TMEM117: variants seen among roughly 807,000 people sequenced by gnomAD.
TMEM117 encodes the protein transmembrane protein 117.
Under a neutral mutation model 52.4 loss-of-function variants are expected in TMEM117, and 27 were observed. The ratio of observed to expected loss-of-function variants is 0.51; its 90% CI spans 0.38 to 0.71. The LOEUF is 0.71. Ranked by LOEUF, TMEM117 falls within the 30% of genes least tolerant of loss-of-function variation. The probability of loss-of-function intolerance (pLI) is 0.00; values close to 1 mark genes in which losing one functional copy is unlikely to be tolerated. For missense variants in TMEM117, 556 were observed against 630.5 expected, an observed-to-expected ratio of 0.88 and a Z score of 1.26; for synonymous variants, 215 against 206.3, an observed-to-expected ratio of 1.04 and a Z score of -0.36.
At chr12:43,838,536 A>ATT (rs1565712907) in intron 1 of TMEM117, among the ~76,000 whole-genome samples, 1 of 134,296 alleles carries the variant, frequency 7.4e-6, no homozygotes, top group African/African-American at 3.0e-5. Flanking sequence ...GGAGTCTTCC[A>ATT]GTTTTTTTTT....
chr12:44,216,382 T>C (rs1366238024), intron 5 of TMEM117, among the ~76,000 whole-genome samples: 1 of 152,148 alleles, frequency 6.6e-6, no homozygotes, highest in Non-Finnish European at 1.5e-5. Context: ...ATTCCCTGAA[T>C]GACCAGGATA....
intron 3 of TMEM117, among the ~76,000 whole-genome samples, chr12:44,027,939 C>A (rs1227296360): frequency 6.6e-6 from 1 of 152,184 alleles, no homozygotes; most frequent in African/African-American, 2.4e-5. Flanking sequence ...GGTGCGGTGG[C>A]TCACGCCTGT....
chr12:44,067,580 G>T (rs542105681), intron 3 of TMEM117, among the ~76,000 whole-genome samples: 1 of 152,066 alleles, frequency 6.6e-6, no homozygotes, highest in Non-Finnish European at 1.5e-5. Context: ...ATATTATGGC[G>T]GTAATATTTT....
At chr12:43,806,683 C>A in the TMEM117 span, among the ~76,000 whole-genome samples, 7 of 152,132 alleles carry the variant, frequency 4.6e-5, no homozygotes, top group Non-Finnish European at 8.8e-5. Context: ...AAGATGTGCA[C>A]ATTATTTTTC....
intron 5 of TMEM117, among the ~76,000 whole-genome samples, chr12:44,297,511 A>G (rs1950783619): frequency 6.6e-6 from 1 of 152,160 alleles, no homozygotes; most frequent in African/African-American, 2.4e-5. Flanking sequence ...AGAAAGTGGG[A>G]TATAAGGAAA....
chr12:43,906,402 G>A (rs1250265361), intron 2 of TMEM117, among the ~76,000 whole-genome samples: 1 of 151,502 alleles, frequency 6.6e-6, no homozygotes, highest in Non-Finnish European at 1.5e-5. Flanking sequence ...GACAGAGGTT[G>A]CAGTGAGCTG....
At chr12:43,988,811 G>T (rs901066473) in intron 3 of TMEM117, among the ~76,000 whole-genome samples, 3 of 152,038 alleles carry the variant, frequency 2.0e-5, no homozygotes, top group African/African-American at 7.2e-5. Flanking sequence ...ATGATCGTTG[G>T]TATTTTGCAA....
chr12:43,877,890 AACACACACACACACACAC>A (rs369405497), intron 2 of TMEM117, among the ~76,000 whole-genome samples: 6 of 142,996 alleles, frequency 4.2e-5, no homozygotes, highest in African/African-American at 1.6e-4. Context: ...GTAAAAACAA[AACACACACACACACACAC>A]ACACACACAC....
At chr12:44,123,893 T>C (rs1025220495) in intron 3 of TMEM117, among the ~76,000 whole-genome samples, 3 of 152,254 alleles carry the variant, frequency 2.0e-5, no homozygotes, top group African/African-American at 7.2e-5. Context: ...TGATCTTTTT[T>C]GGTTTTATAT....
At position 44,320,970 on chromosome 12, in the gene TMEM117, C is replaced by T. The variant is rs1421170462; in HGVS notation, c.768+21231C>T. Among the ~76,000 whole-genome samples, 3 of 152,206 alleles carry T rather than the reference C, an allele frequency of 2.0e-5. No homozygotes were observed. The East Asian group carries it at 5.8e-4, about 29-fold the overall frequency. ...TCAGGTCATTGGGACTCAATATTCA[C>T]ATTTTAAAGAAAAGATTTTAGAGTA... On this transcript the variant is annotated intron_variant, in intron 6 of 7. Transcript: ENST00000266534.
chr12:44,180,350 AT>A (rs1949175647), intron 4 of TMEM117, among the ~76,000 whole-genome samples: 1 of 131,392 alleles, frequency 7.6e-6, no homozygotes, highest in Non-Finnish European at 1.5e-5. Context: ...ACTACCTGAC[AT>A]CTTTTTTTTT....
In TMEM117 at chr12:44,376,642, T is replaced by G. The variant is rs1439116314; in HGVS notation, c.816T>G (p.Pro272=). The change falls in exon 7 of 8, where the codon CCT becomes CCG. Residue 272 remains proline (P), a synonymous_variant. Coordinates refer to ENST00000266534, the MANE Select transcript of TMEM117 (RefSeq NM_032256.3). ...TGGGAGATGTTGATGTAAATCTCCC[T>G]GGTTTGCACACCCCTCACATGCAGT... is the stretch of plus-strand genomic sequence containing the variant. ...HFMGDVDVNL[P]GLHTPHMQFK... The G allele has an allele frequency of 6.2e-7, 1 of 1,611,454 alleles. No individual in the cohort carries two copies. The highest frequency in any genetic ancestry group is 8.5e-7 in the Non-Finnish European group (1 of 1,179,068).
chr12:44,183,111 A>G (rs1949228470), intron 4 of TMEM117, among the ~76,000 whole-genome samples: 1 of 152,204 alleles, frequency 6.6e-6, no homozygotes, highest in Admixed American at 6.5e-5. Flanking sequence ...TATAAAGAAA[A>G]AATTGCCAAT....
the TMEM117 span, among the ~76,000 whole-genome samples, chr12:43,813,242 T>G: frequency 3.7e-5 from 5 of 134,296 alleles, no homozygotes; most frequent in Admixed American, 1.5e-4. Context: ...TTTTTTTTTT[T>G]TTTTTTTTTT....
At chr12:43,949,499 A>C (rs917591205) in intron 3 of TMEM117, among the ~76,000 whole-genome samples, 9 of 152,162 alleles carry the variant, frequency 5.9e-5, no homozygotes, top group African/African-American at 2.2e-4. Flanking sequence ...TCCCAGAGGA[A>C]GGTCATATAC....
At chr12:44,104,468 G>A (rs926759568) in intron 3 of TMEM117, among the ~76,000 whole-genome samples, 1 of 151,912 alleles carries the variant, frequency 6.6e-6, no homozygotes, top group Admixed American at 6.6e-5. Context: ...CTCGCTTGGT[G>A]AGTTAGTAAA....
At chr12:44,124,246 T>G (rs1423227772) in intron 3 of TMEM117, among the ~76,000 whole-genome samples, 1 of 152,232 alleles carries the variant, frequency 6.6e-6, no homozygotes, top group African/African-American at 2.4e-5. Context: ...TTTTTCACAT[T>G]GATTTTGTAT....
chr12:44,326,181 G>GTTTTTGT (rs934802795), intron 6 of TMEM117, among the ~76,000 whole-genome samples: 6 of 151,090 alleles, frequency 4.0e-5, no homozygotes, highest in Non-Finnish European at 8.8e-5. Context: ...TTTTGTTTTT[G>GTTTTTGT]TTTTTGTTTT....
At chr12:44,305,693 C>T (rs879817649) in intron 6 of TMEM117, among the ~76,000 whole-genome samples, 6 of 152,144 alleles carry the variant, frequency 3.9e-5, no homozygotes, top group Non-Finnish European at 8.8e-5. Context: ...AAAGGGAATG[C>T]TTATGCCCTA....
Sources: allele counts gnomAD v4.1 joint callset (sites outside exome capture counted in the v4.1 genomes callset), GRCh38; gene constraint gnomAD v4.1.1; transcripts MANE v1.5; gene names NCBI Gene and HGNC (gene_info 2026-07-23, HGNC 2026-07-21).